The following HCN1 variants were observed in gnomAD, a reference collection of about 807,000 sequenced individuals.
The protein encoded by HCN1 is potassium/sodium hyperpolarization-activated cyclic nucleotide-gated channel 1.
A neutral mutation model predicts 78.9 loss-of-function variants in HCN1; 13 were observed. The ratio of observed to expected loss-of-function variants is 0.16; its 90% CI spans 0.11 to 0.26. The LOEUF is 0.26. Among genes scored for constraint, HCN1 ranks in the 10% least tolerant of loss-of-function variants. HCN1 has a pLI of 1.00. For synonymous variants in HCN1, 552 were observed against 455.5 expected (o/e 1.21, Z -2.70); for missense variants, 810 against 1,154.3 (o/e 0.70, Z 4.32).
At chr5:45,296,784 G>T (rs1028708005) in intron 6 of HCN1, among the ~76,000 whole-genome samples, 1 of 151,952 alleles carries the variant, frequency 6.6e-6, no homozygotes, top group Non-Finnish European at 1.5e-5. Flanking sequence ...TGATCCTGGG[G>T]ACCCTAAAAG....
chr5:45,486,364 G>C (rs980754670), intron 2 of HCN1, among the ~76,000 whole-genome samples: 4 of 152,146 alleles, frequency 2.6e-5, no homozygotes, highest in African/African-American at 9.7e-5. Context: ...CATACTGGAA[G>C]AAATAGAGCT....
intron 2 of HCN1, among the ~76,000 whole-genome samples, chr5:45,477,495 G>T (rs1741544593): frequency 2.0e-5 from 3 of 152,126 alleles, no homozygotes; most frequent in Non-Finnish European, 4.4e-5. Context: ...GAAAAAAATA[G>T]CTCATAGTTT....
chr5:45,420,005 G>A (rs2112066104), intron 3 of HCN1, among the ~76,000 whole-genome samples: 1 of 152,218 alleles, frequency 6.6e-6, no homozygotes, highest in Non-Finnish European at 1.5e-5. Flanking sequence ...TGGGAAAACG[G>A]AAAGAAAACT....
intron 6 of HCN1, among the ~76,000 whole-genome samples, chr5:45,267,457 T>G (rs1744880821): frequency 6.6e-6 from 1 of 150,608 alleles, no homozygotes; most frequent in Non-Finnish European, 1.5e-5. Flanking sequence ...TTGTTTTGTT[T>G]TGTTTTAAAA....
chr5:45,597,052 C>A (rs144288671), intron 2 of HCN1, among the ~76,000 whole-genome samples: 18 of 152,256 alleles, frequency 1.2e-4, no homozygotes, highest in African/African-American at 3.9e-4. Flanking sequence ...GGGAATACTC[C>A]CTAACTCATT....
intron 7 of HCN1, among the ~76,000 whole-genome samples, chr5:45,263,314 A>G (rs532072674): frequency 6.6e-6 from 1 of 152,274 alleles, no homozygotes; most frequent in South Asian, 2.1e-4. Context: ...ACCTGAAAGG[A>G]GATCAGGACA....
chr5:45,388,735 C>A (rs545305292), intron 4 of HCN1, among the ~76,000 whole-genome samples: 2 of 152,254 alleles, frequency 1.3e-5, no homozygotes, highest in South Asian at 4.1e-4. Flanking sequence ...ATCCCACTTA[C>A]CCCTCTCATT....
intron 5 of HCN1, among the ~76,000 whole-genome samples, chr5:45,306,168 T>C (rs929784225): frequency 1.3e-5 from 2 of 152,096 alleles, no homozygotes; most frequent in South Asian, 2.1e-4. Context: ...TAATACTGTG[T>C]AGGAAATTGA....
At chr5:45,408,778 T>C (rs1739974602) in intron 3 of HCN1, among the ~76,000 whole-genome samples, 1 of 152,140 alleles carries the variant, frequency 6.6e-6, no homozygotes, top group African/African-American at 2.4e-5. Flanking sequence ...TATTTTGAGG[T>C]TTGAGCACAC....
intron 6 of HCN1, among the ~76,000 whole-genome samples, chr5:45,277,475 C>G (rs541855278): frequency 6.6e-6 from 1 of 151,716 alleles, no homozygotes; most frequent in African/African-American, 2.4e-5. Context: ...CAAAACAAAA[C>G]AAAAAAACAA....
At chr5:45,533,979 C>T (rs190242529) in intron 2 of HCN1, among the ~76,000 whole-genome samples, 57 of 152,268 alleles carry the variant, frequency 3.7e-4, no homozygotes, top group African/African-American at 1.3e-3. Context: ...ATAATGTTGG[C>T]ACCCAGCTTT....
At chr5:45,640,342 T>C (rs1485027577) in intron 2 of HCN1, among the ~76,000 whole-genome samples, 5 of 152,192 alleles carry the variant, frequency 3.3e-5, no homozygotes, top group African/African-American at 1.2e-4. Flanking sequence ...ATTGTGTTTA[T>C]AACCCTGCAC....
chr5:45,681,116 T>A (rs1739294376), intron 1 of HCN1, among the ~76,000 whole-genome samples: 1 of 152,164 alleles, frequency 6.6e-6, no homozygotes, highest in South Asian at 2.1e-4. Flanking sequence ...CAGTTTCAGC[T>A]GCTGTTCCAT....
At chr5:45,318,447 A>C (rs1746048715) in intron 5 of HCN1, among the ~76,000 whole-genome samples, 1 of 152,120 alleles carries the variant, frequency 6.6e-6, no homozygotes, top group Non-Finnish European at 1.5e-5. Flanking sequence ...TAGCATTGGA[A>C]GATATACCTA....
chr5:45,653,870 G>A (rs1169831578), intron 1 of HCN1, among the ~76,000 whole-genome samples: 1 of 151,952 alleles, frequency 6.6e-6, no homozygotes, highest in Non-Finnish European at 1.5e-5. Context: ...GTATACATAT[G>A]TAACTAACCT....
intron 6 of HCN1, among the ~76,000 whole-genome samples, chr5:45,273,966 A>G (rs1483130698): frequency 1.3e-5 from 2 of 152,156 alleles, no homozygotes; most frequent in Non-Finnish European, 2.9e-5. Context: ...AGAAATCGAA[A>G]GAAGTTTAGA....
chr5:45,316,568 A>T (rs1005796890), intron 5 of HCN1, among the ~76,000 whole-genome samples: 17 of 152,162 alleles, frequency 1.1e-4, no homozygotes, highest in Non-Finnish European at 1.8e-4. Flanking sequence ...GGCCAGGGCA[A>T]TCAGGCAGGA....
intron 1 of HCN1, among the ~76,000 whole-genome samples, chr5:45,671,916 T>A (rs908257564): frequency 6.6e-6 from 1 of 151,594 alleles, no homozygotes; most frequent in East Asian, 1.9e-4. Context: ...TCTTCTCAAT[T>A]GGTTTAAAGT....
intron 2 of HCN1, among the ~76,000 whole-genome samples, chr5:45,573,716 A>G (rs1743880665): frequency 6.6e-6 from 1 of 152,068 alleles, no homozygotes; most frequent in African/African-American, 2.4e-5. Context: ...TATTGAGATG[A>G]TTGATTTAAG....
Sources: allele counts gnomAD v4.1 joint callset (sites outside exome capture counted in the v4.1 genomes callset), GRCh38; gene constraint gnomAD v4.1.1; transcripts MANE v1.5; gene names NCBI Gene and HGNC (gene_info 2026-07-23, HGNC 2026-07-21).